COL12A1: variants seen among roughly 807,000 people sequenced by gnomAD.
The protein encoded by COL12A1 is collagen alpha-1(XII) chain.
Under a neutral mutation model 349.7 loss-of-function variants are expected in COL12A1, and 114 were observed. The observed-to-expected ratio is 0.33, with a 90% CI of 0.28 to 0.38. The LOEUF (loss-of-function observed/expected upper bound fraction) is 0.38. Among genes scored for constraint, COL12A1 ranks in the 10% least tolerant of loss-of-function variants. The pLI, the probability that COL12A1 is intolerant of heterozygous loss-of-function variation, is 1.00. For missense variants in COL12A1, 3,284 were observed against 3,756.9 expected (o/e 0.87, Z 3.29); for synonymous variants, 1,369 against 1,329.0 (o/e 1.03, Z -0.66).
chr6:75,172,808 G>T (rs2149448251), intron 13 of COL12A1, among the ~76,000 whole-genome samples: 1 of 152,248 alleles, frequency 6.6e-6, no homozygotes, highest in Middle Eastern at 3.4e-3. Context: ...CACTGTGAAG[G>T]TCCACTTATA....
chr6:75,177,614 C>G (rs1451114210), intron 12 of COL12A1, 49 bp downstream of exon 12: 2 of 1,610,554 alleles, frequency 1.2e-6, no homozygotes, highest in Admixed American at 1.7e-5. Context: ...ATTTTCCCCT[C>G]TAGTCTAAGA....
chr6:75,155,870 G>T lies in COL12A1; in HGVS notation c.3251-16C>A. The T allele has an allele frequency of 6.3e-7, 1 of 1,575,444 alleles. No homozygotes were observed. The highest frequency in any genetic ancestry group is 8.6e-7 in the Non-Finnish European group (1 of 1,167,804). On this transcript the variant is annotated splice_polypyrimidine_tract_variant and intron_variant, in intron 15 of 65. Coordinates refer to ENST00000322507, the MANE Select transcript of COL12A1 (RefSeq NM_004370.6). ...AACCGAGAAGCTGTAAAGACAAAAA[G>T]ATTTTTAAAATATTATCTGTAAGAC...
chr6:75,204,635 C>T (rs1770684447), intron 1 of COL12A1, among the ~76,000 whole-genome samples: 1 of 152,144 alleles, frequency 6.6e-6, no homozygotes, highest in African/African-American at 2.4e-5. Context: ...CGAGGACTCC[C>T]TCACTTCACC....
intron 8 of COL12A1, among the ~76,000 whole-genome samples, chr6:75,185,465 G>A (rs1769562582): frequency 1.3e-5 from 2 of 152,094 alleles, no homozygotes; most frequent in South Asian, 4.1e-4. Context: ...ACTGCTCAAA[G>A]AAATCAGAGA....
chr6:75,162,291 A>G (rs545360240), intron 14 of COL12A1, among the ~76,000 whole-genome samples: 1 of 152,350 alleles, frequency 6.6e-6, no homozygotes, highest in South Asian at 2.1e-4. Flanking sequence ...CAGTACTGGT[A>G]CCAAAAACGT....
At chr6:75,134,126 G>C in intron 32 of COL12A1, 129 bp from the exon 33 acceptor site, 4 of 992,840 alleles carry the variant, frequency 4.0e-6, no homozygotes, top group African/African-American at 1.6e-5. Context: ...TTGAAGTAGT[G>C]AATAAACGAC....
Position 75,084,449 on chromosome 6 carries a change from C to G in COL12A1, c.*2098G>C, listed in dbSNP as rs929703718. 3 of 152,560 alleles carry G rather than the reference C, an allele frequency of 2.0e-5. No individual in the cohort carries two copies. Among genetic ancestry groups the G allele is most frequent in the African/African-American group, 7.2e-5 (3 of 41,426 alleles). 9.5% of individuals were successfully genotyped at this position (152,560 alleles called of 1,614,324 possible). A position where few individuals can be genotyped will look rare whatever the true frequency, so the allele number is the denominator to read the frequency against. ...CAGCAATTCTATGTTCATAGTCTTG[C>G]AAATGTTTTCCAACTACTTTTGATA... On this transcript the variant is annotated 3_prime_UTR_variant, in exon 66 of 66. Transcript: ENST00000322507.
At chr6:75,103,364 C>T (rs9293995) in intron 55 of COL12A1, among the ~76,000 whole-genome samples, 7,367 of 149,912 alleles carry the variant, frequency 0.049, 576 homozygotes, top group African/African-American at 0.17. Flanking sequence ...TGAGCACATA[C>T]GCAGCCACTC....
rs1766994722 is a variant in COL12A1 at position 75,143,116 on chromosome 6, T to C, written c.4827+136A>G. On this transcript the variant is annotated intron_variant, in intron 26 of 65. Transcript: ENST00000322507. Reference sequence around the variant, plus strand: ...TGATTTTCAAAAACTGCTTTATTAATATCACAAGTTTTCAACACTGTGTTA... The same window carrying C: ...TGATTTTCAAAAACTGCTTTATTAACATCACAAGTTTTCAACACTGTGTTA... The C allele has an allele frequency of 3.1e-6, 3 of 956,536 alleles. No individual in the cohort carries two copies. In the South Asian group the frequency reaches 4.9e-5, roughly 16 times the overall value. 59.3% of individuals were successfully genotyped at this position (956,536 alleles called of 1,614,324 possible).
At chr6:75,117,953 C>T (rs1769167772) in intron 46 of COL12A1, among the ~76,000 whole-genome samples, 1 of 152,076 alleles carries the variant, frequency 6.6e-6, no homozygotes, top group Non-Finnish European at 1.5e-5. Context: ...CTGATTTTCT[C>T]AGGAAACTCA....
chr6:75,155,517 A>C (rs1767708297), intron 16 of COL12A1, 145 bp downstream of exon 16: 1 of 844,676 alleles, frequency 1.2e-6, no homozygotes, highest in African/African-American at 1.8e-5. Flanking sequence ...CAAGCATAAG[A>C]AAACAGCTTT....
At position 75,115,828 on chromosome 6, in the gene COL12A1, T is replaced by C. The variant is rs1769049476; in HGVS notation, c.7653A>G (p.Ser2551=). Residue 2551 remains serine (S), a synonymous_variant, in exon 49 of 66, where the codon TCA becomes TCG. Coordinates refer to ENST00000322507, the MANE Select transcript of COL12A1 (RefSeq NM_004370.6). ...ACGCATTCTTCTGAATCCTGTATGC[T>C]GAGTAGCTGGGGAAAGACCCTGACT... ...SLESGSFPSY[S]AYRIQKNAFV... The C allele has an allele frequency of 5.0e-6, 8 of 1,613,590 alleles. No homozygotes were observed. The South Asian group carries it at 5.5e-5, about 11-fold the overall frequency.
At chr6:75,117,597 G>A (rs773123983) in intron 46 of COL12A1, 51 bp from the exon 47 acceptor site, 3 of 1,582,418 alleles carry the variant, frequency 1.9e-6, no homozygotes, top group East Asian at 2.3e-5. Flanking sequence ...TTCTGTCCTT[G>A]TTGTTAGAAC....
At chr6:75,129,318 A>G (rs1766181669) in intron 37 of COL12A1, among the ~76,000 whole-genome samples, 1 of 152,374 alleles carries the variant, frequency 6.6e-6, no homozygotes, top group Middle Eastern at 3.4e-3. Flanking sequence ...GAAATATTTC[A>G]TCACATGGGG....
In COL12A1 at chr6:75,121,157, C is replaced by A. The variant is rs930338439; in HGVS notation, c.7086+145G>T. The A allele has an allele frequency of 1.6e-5, 11 of 676,764 alleles. 1 individual carries two copies. The highest frequency in any genetic ancestry group is 1.5e-4 in the Admixed American group (4 of 27,574). The allele number at this position is 676,764 out of a possible 1,614,324, so 41.9% of individuals were successfully genotyped here. On this transcript the variant is annotated intron_variant, in intron 44 of 65. Coordinates refer to ENST00000322507, the MANE Select transcript of COL12A1 (RefSeq NM_004370.6). ...ATTTATCATTTATACCCAATTCCCT[C>A]CCAAAAATACATGAATAAAAGAAAT... is the stretch of plus-strand genomic sequence containing the variant.
chr6:75,134,292 A>G (rs1766468087), intron 32 of COL12A1, among the ~76,000 whole-genome samples: 1 of 152,176 alleles, frequency 6.6e-6, no homozygotes, highest in Non-Finnish European at 1.5e-5. Flanking sequence ...CAATATGGCC[A>G]GGCACGGTGG....
At chr6:75,096,724 G>T (rs1319593658) in intron 59 of COL12A1, among the ~76,000 whole-genome samples, 1 of 151,872 alleles carries the variant, frequency 6.6e-6, no homozygotes, top group Non-Finnish European at 1.5e-5. Context: ...GTGAAACCCC[G>T]TCTCTACTAA....
At chr6:75,188,794 T>C (rs1343858619) in intron 7 of COL12A1, among the ~76,000 whole-genome samples, 2 of 152,304 alleles carry the variant, frequency 1.3e-5, no homozygotes, top group East Asian at 3.9e-4. Flanking sequence ...ATCCCAACCA[T>C]ACCATCGTAT....
At position 75,128,332 on chromosome 6, in the gene COL12A1, C is replaced by T. The variant is rs1246828526; in HGVS notation, c.6304G>A (p.Gly2102Arg). Residue 2102 changes from glycine to arginine, a missense_variant, in exon 38 of 66, where the codon GGA (glycine) becomes AGA (arginine). Physicochemically the swap from Gly to Arg is moderately radical, Grantham distance 125. Around this residue, in one of 2 missense-constraint regions of COL12A1, gnomAD observed 2,601 missense variants for 2,824.8 expected, o/e 0.92. Coordinates refer to ENST00000322507, the MANE Select transcript of COL12A1 (RefSeq NM_004370.6). Reference sequence around the variant, plus strand: ...TTTCCTGTTAGATGGCCACCATCTCCATCTTCATAAACAGCAATAACAGTA... The same window carrying T: ...TTTCCTGTTAGATGGCCACCATCTCTATCTTCATAAACAGCAATAACAGTA... ...KITVIAVYEDGDGGHLTGNGR... is the reference protein window; with the variant it reads ...KITVIAVYEDRDGGHLTGNGR... 2 of 1,606,538 alleles carry T rather than the reference C, an allele frequency of 1.2e-6. No homozygotes were observed. The highest frequency in any genetic ancestry group is 1.7e-6 in the Non-Finnish European group (2 of 1,176,652).
Sources: gnomAD v4.1 joint callset for allele counts (sites outside exome capture counted in the v4.1 genomes callset) on GRCh38, gnomAD v4.1.1 for gene constraint, gnomAD v4.1.1 regional missense constraint, MANE v1.5 for transcripts, NCBI Gene and HGNC (gene_info 2026-07-23, HGNC 2026-07-21) for gene names.